The following GLIS1 variants were observed in gnomAD, a reference collection of about 807,000 sequenced individuals.
The protein encoded by GLIS1 is zinc finger protein GLIS1.
GLIS1 carries 24 observed loss-of-function variants against 63.8 expected under a neutral mutation model. That is an observed-to-expected ratio of 0.38 (90% CI 0.27 to 0.53). The LOEUF (loss-of-function observed/expected upper bound fraction) is 0.53, where lower values mean the gene tolerates loss of function less well. Ranked by LOEUF, GLIS1 falls within the 20% of genes least tolerant of loss-of-function variation. The pLI, the probability that GLIS1 is intolerant of heterozygous loss-of-function variation, is 0.85. For missense variants in GLIS1, 1,036 were observed against 1,074.1 expected, an observed-to-expected ratio of 0.96 and a Z score of 0.50; for synonymous variants, 450 against 482.5, an observed-to-expected ratio of 0.93 and a Z score of 0.88.
At chr1:53,633,994 G>A (rs1483977566) in intron 2 of GLIS1, among the ~76,000 whole-genome samples, 1 of 152,186 alleles carries the variant, frequency 6.6e-6, no homozygotes, top group African/African-American at 2.4e-5. Flanking sequence ...CACTGTGAGT[G>A]CAGAGGCATC....
At chr1:53,634,022 C>A (rs1339903660) in intron 2 of GLIS1, among the ~76,000 whole-genome samples, 1 of 152,150 alleles carries the variant, frequency 6.6e-6, no homozygotes, top group East Asian at 1.9e-4. Context: ...ATCAACAAAT[C>A]AGTTATCAGG....
intron 2 of GLIS1, among the ~76,000 whole-genome samples, chr1:53,651,517 G>T (rs1569988401): frequency 6.6e-6 from 1 of 152,110 alleles, no homozygotes; most frequent in Admixed American, 6.6e-5. Context: ...GGTGGGTCTG[G>T]GGGGGCGACT....
intron 2 of GLIS1, among the ~76,000 whole-genome samples, chr1:53,603,143 G>A (rs1451964372): frequency 6.6e-6 from 1 of 152,146 alleles, no homozygotes; most frequent in African/African-American, 2.4e-5. Flanking sequence ...AGGTTTTCCT[G>A]CAGTAAATAA....
chr1:53,543,864 T>G (rs1644670168), intron 4 of GLIS1, among the ~76,000 whole-genome samples: 1 of 152,158 alleles, frequency 6.6e-6, no homozygotes, highest in South Asian at 2.1e-4. Context: ...TCCCTCTTAT[T>G]GGGCAAGGGA....
chr1:53,702,862 C>T (rs1646538528), intron 2 of GLIS1, among the ~76,000 whole-genome samples: 1 of 152,204 alleles, frequency 6.6e-6, no homozygotes, highest in Non-Finnish European at 1.5e-5. Flanking sequence ...GTGGCCTGCC[C>T]ACAGGGCTGT....
At chr1:53,628,804 A>G (rs925089172) in intron 2 of GLIS1, among the ~76,000 whole-genome samples, 6 of 152,114 alleles carry the variant, frequency 3.9e-5, no homozygotes, top group Admixed American at 2.6e-4. Context: ...AAAGGCTACA[A>G]TATAGGGACG....
At chr1:53,620,208 C>T (rs1368978436) in intron 2 of GLIS1, among the ~76,000 whole-genome samples, 2 of 152,216 alleles carry the variant, frequency 1.3e-5, no homozygotes. Context: ...CTCTGTCCAG[C>T]ACTTCACGTT....
At chr1:53,562,528 C>T (rs1247645627) in intron 4 of GLIS1, among the ~76,000 whole-genome samples, 2 of 152,146 alleles carry the variant, frequency 1.3e-5, no homozygotes, top group African/African-American at 4.8e-5. Context: ...ACTGGCTCAA[C>T]ATCACCTCGC....
chr1:53,537,585 C>T (rs192981130), intron 4 of GLIS1, among the ~76,000 whole-genome samples: 192 of 152,276 alleles, frequency 1.3e-3, no homozygotes, highest in Non-Finnish European at 2.2e-3. Flanking sequence ...CCACCACAAA[C>T]GGCTGGTAGA....
chr1:53,537,018 C>A (rs956056340), intron 4 of GLIS1, among the ~76,000 whole-genome samples: 3 of 152,216 alleles, frequency 2.0e-5, no homozygotes, highest in African/African-American at 7.2e-5. Flanking sequence ...TAGTGACAGG[C>A]AGGGGAAAAT....
In GLIS1 at chr1:53,539,857, G is replaced by GCTGACCTGGCCT. The variant is rs1439889719; in HGVS notation, c.1321-9906_1321-9905insAGGCCAGGTCAG. ...GGTGGCTGGCCTGGCCTGGCCTTGG[G>GCTGACCTGGCCT]GACAGCATGCATAGCCTGAGAGATC... is the stretch of plus-strand genomic sequence containing the variant. On this transcript the variant is annotated intron_variant, in intron 4 of 10. Transcript: ENST00000628545. The surrounding 1 kb of genome is among the most constrained non-coding windows in gnomAD (Gnocchi z 5.0). 6.6e-6 allele frequency among the ~76,000 whole-genome samples: 1 copy of GCTGACCTGGCCT among 151,140 alleles called. No homozygotes were observed. Among genetic ancestry groups the GCTGACCTGGCCT allele is most frequent in the Non-Finnish European group, 1.5e-5 (1 of 67,752 alleles).
Position 53,511,490 on chromosome 1 carries a change from G to T in GLIS1, c.1884-1463C>A, listed in dbSNP as rs1340940110. 6.6e-6 allele frequency among the ~76,000 whole-genome samples: 1 copy of T among 152,150 alleles called. No individual in the cohort carries two copies. Among genetic ancestry groups the T allele is most frequent in the Admixed American group, 6.5e-5 (1 of 15,290 alleles). Reference sequence around the variant, plus strand: ...CAGTCTGCTGTCATCATCCACACGTGTGGGGCCCCCGTCACTGTGAGCTCG... The same window carrying T: ...CAGTCTGCTGTCATCATCCACACGTTTGGGGCCCCCGTCACTGTGAGCTCG... On this transcript the variant is annotated intron_variant, in intron 8 of 10. Coordinates refer to ENST00000628545, the MANE Select transcript of GLIS1 (RefSeq NM_001367484.1). The surrounding 1 kb of genome is among the most constrained non-coding windows in gnomAD (Gnocchi z 4.2).
intron 4 of GLIS1, among the ~76,000 whole-genome samples, chr1:53,580,222 C>T (rs1166161439): frequency 6.6e-6 from 1 of 152,170 alleles, no homozygotes; most frequent in Non-Finnish European, 1.5e-5. Context: ...AGCCGCAGAG[C>T]CCCTCCATCC....
intron 4 of GLIS1, among the ~76,000 whole-genome samples, chr1:53,545,938 C>T (rs1644694059): frequency 6.6e-6 from 1 of 152,212 alleles, no homozygotes; most frequent in Non-Finnish European, 1.5e-5. Context: ...AAAGGGCTTT[C>T]CTCTGGACTC....
chr1:53,736,088 C>T (rs558982683), intron 2 of GLIS1, among the ~76,000 whole-genome samples: 1 of 152,306 alleles, frequency 6.6e-6, no homozygotes. Flanking sequence ...AACAGCCTCA[C>T]TGGGAGGCTA....
At chr1:53,516,313 C>A (rs1409175097) in intron 7 of GLIS1, among the ~76,000 whole-genome samples, 1 of 152,194 alleles carries the variant, frequency 6.6e-6, no homozygotes, top group Non-Finnish European at 1.5e-5. Flanking sequence ...TTGGGGTTCC[C>A]AGGCTAGCTC....
At chr1:53,514,057 T>C (rs964529974) in intron 8 of GLIS1, among the ~76,000 whole-genome samples, 1 of 152,184 alleles carries the variant, frequency 6.6e-6, no homozygotes, top group East Asian at 1.9e-4. Context: ...CCATTTCCAG[T>C]CAATTAAGTG....
intron 2 of GLIS1, among the ~76,000 whole-genome samples, chr1:53,731,925 A>C (rs1358428426): frequency 6.6e-6 from 1 of 152,218 alleles, no homozygotes; most frequent in Non-Finnish European, 1.5e-5. Context: ...GGCAGGGACT[A>C]TGGATCATCC....
chr1:53,716,863 T>A (rs577675643), intron 2 of GLIS1, among the ~76,000 whole-genome samples: 2 of 152,302 alleles, frequency 1.3e-5, no homozygotes, highest in Admixed American at 1.3e-4. Context: ...CTGAAGGTCA[T>A]GAGTCTCCAG....
Sources: allele counts gnomAD v4.1 joint callset (sites outside exome capture counted in the v4.1 genomes callset), GRCh38; gene constraint gnomAD v4.1.1; non-coding constraint Gnocchi (gnomAD v3.1); transcripts MANE v1.5; gene names NCBI Gene and HGNC (gene_info 2026-07-23, HGNC 2026-07-21).